Variants in CACNB2 observed in about 807,000 individuals in gnomAD.
CACNB2 encodes the protein voltage-dependent L-type calcium channel subunit beta-2.
In CACNB2, 42 loss-of-function variants were observed where a neutral mutation model predicts 73.3. The ratio of observed to expected loss-of-function variants is 0.57; its 90% CI spans 0.45 to 0.74. CACNB2 has a LOEUF of 0.74. CACNB2 is among the 30% of genes least tolerant of loss of function. CACNB2 has a pLI of 0.00. For missense variants in CACNB2, 940 were observed against 853.0 expected (o/e 1.10, Z -1.27); for synonymous variants, 348 against 310.3 (o/e 1.12, Z -1.28).
intron 2 of CACNB2, among the ~76,000 whole-genome samples, chr10:18,247,715 G>C (rs746563690): frequency 1.3e-4 from 20 of 152,146 alleles, no homozygotes; most frequent in Non-Finnish European, 2.1e-4. Context: ...GAAGTCGAAG[G>C]TTGAGGCAGA....
rs115040710 is a variant in CACNB2 at position 18,387,567 on chromosome 10, T to C, written c.214-14357T>C. Among the ~76,000 whole-genome samples, 397 of 152,272 alleles carry C rather than the reference T, an allele frequency of 2.6e-3. 4 individuals carry two copies. The highest frequency in any genetic ancestry group is 9.3e-3 in the African/African-American group (388 of 41,552). On this transcript the variant is annotated intron_variant, in intron 2 of 13. Transcript: ENST00000324631. ...CTGAGTTGTGCATCATTTCCAATGATTGTCATTTAAATGAAGCAGAAAAGC... is the reference window on the plus strand; with the variant it reads ...CTGAGTTGTGCATCATTTCCAATGACTGTCATTTAAATGAAGCAGAAAAGC...
intron 2 of CACNB2, among the ~76,000 whole-genome samples, chr10:18,329,310 A>G (rs1340634696): frequency 6.6e-6 from 1 of 152,192 alleles, no homozygotes; most frequent in Non-Finnish European, 1.5e-5. Flanking sequence ...TAAAGTGCTA[A>G]GCAATTGTTA....
At chr10:18,164,666 T>C (rs917123898) in intron 2 of CACNB2, among the ~76,000 whole-genome samples, 5 of 151,872 alleles carry the variant, frequency 3.3e-5, no homozygotes, top group African/African-American at 1.2e-4. Context: ...ATAATGATGG[T>C]AGATTACACG....
At chr10:18,203,192 C>A (rs1193132269) in intron 2 of CACNB2, among the ~76,000 whole-genome samples, 2 of 152,106 alleles carry the variant, frequency 1.3e-5, no homozygotes, top group Admixed American at 1.3e-4. Context: ...TCTGGTCAGC[C>A]AGCTTGAAGT....
At chr10:18,503,866 C>T (rs968308913) in intron 5 of CACNB2, among the ~76,000 whole-genome samples, 1 of 152,064 alleles carries the variant, frequency 6.6e-6, no homozygotes, top group African/African-American at 2.4e-5. Context: ...TCATCATGTA[C>T]ACTGTGAATC....
rs189180510 is a variant in CACNB2 at position 18,387,923 on chromosome 10, G to A, written c.214-14001G>A. On this transcript the variant is annotated intron_variant, in intron 2 of 13. Transcript: ENST00000324631. ...AGGTGTGTGCTACCATGCCCAGCTC[G>A]TTTTAAAATTTTTTGTACAGATGGG... Among the ~76,000 whole-genome samples, 11 of 152,044 alleles carry A rather than the reference G, an allele frequency of 7.2e-5. No individual in the cohort carries two copies. In the South Asian group the frequency reaches 8.3e-4, roughly 11 times the overall value.
At chr10:18,174,031 G>T (rs926032855) in intron 2 of CACNB2, among the ~76,000 whole-genome samples, 5 of 152,134 alleles carry the variant, frequency 3.3e-5, no homozygotes, top group African/African-American at 1.2e-4. Flanking sequence ...GATTCATTCT[G>T]TAAGAGGTAA....
intron 3 of CACNB2, among the ~76,000 whole-genome samples, chr10:18,481,034 C>T (rs1317568846): frequency 6.6e-6 from 1 of 151,116 alleles, no homozygotes; most frequent in African/African-American, 2.4e-5. Flanking sequence ...TGTGGCAATT[C>T]CTCTGCATAA....
At chr10:18,284,660 G>C (rs2131720945) in intron 2 of CACNB2, among the ~76,000 whole-genome samples, 1 of 152,252 alleles carries the variant, frequency 6.6e-6, no homozygotes, top group African/African-American at 2.4e-5. Context: ...GACAACTTCT[G>C]TTTATTCCTC....
chr10:18,159,602 A>G (rs1005586393), intron 2 of CACNB2, among the ~76,000 whole-genome samples: 1 of 152,242 alleles, frequency 6.6e-6, no homozygotes, highest in African/African-American at 2.4e-5. Flanking sequence ...GTCGTCTCTC[A>G]GTACCTTGTT....
At chr10:18,476,575 G>A (rs36043776) in intron 3 of CACNB2, among the ~76,000 whole-genome samples, 20,765 of 152,094 alleles carry the variant, frequency 0.14, 1,541 homozygotes, top group Admixed American at 0.18. Context: ...TTATGAAGTT[G>A]CACCCTATGC....
chr10:18,147,637 C>A (rs1192199502), intron 1 of CACNB2, among the ~76,000 whole-genome samples: 1 of 152,088 alleles, frequency 6.6e-6, no homozygotes, highest in Non-Finnish European at 1.5e-5. Context: ...TATTTTAATG[C>A]TGGTAAAAAA....
chr10:18,181,560 CTTTTT>C, intron 2 of CACNB2, among the ~76,000 whole-genome samples: 1 of 130,684 alleles, frequency 7.7e-6, no homozygotes, highest in African/African-American at 2.6e-5. Context: ...TTGAGGATAA[CTTTTT>C]TATTTTATTT....
intron 2 of CACNB2, among the ~76,000 whole-genome samples, chr10:18,281,979 CAAAAAAAAAA>C (rs10542258): frequency 1.4e-5 from 1 of 69,990 alleles, no homozygotes; most frequent in Non-Finnish European, 2.6e-5. Flanking sequence ...GACTCCATCT[CAAAAAAAAAA>C]AAAAAAAAAA....
At chr10:18,342,852 A>G (rs556635230) in intron 2 of CACNB2, among the ~76,000 whole-genome samples, 40 of 152,210 alleles carry the variant, frequency 2.6e-4, no homozygotes, top group Non-Finnish European at 4.6e-4. Flanking sequence ...ATGTATATTT[A>G]TATGTGCCTG....
At chr10:18,231,478 C>T (rs1387674297) in intron 2 of CACNB2, among the ~76,000 whole-genome samples, 1 of 152,224 alleles carries the variant, frequency 6.6e-6, no homozygotes, top group Non-Finnish European at 1.5e-5. Flanking sequence ...CATGCCACGC[C>T]ATGTTCAAAT....
At chr10:18,277,277 TA>T (rs1197495200) in intron 2 of CACNB2, among the ~76,000 whole-genome samples, 2 of 152,230 alleles carry the variant, frequency 1.3e-5, no homozygotes, top group Non-Finnish European at 2.9e-5. Context: ...AGGAGTGGCC[TA>T]TAAAGGCAAC....
At chr10:18,274,845 C>G (rs2038210210) in intron 2 of CACNB2, among the ~76,000 whole-genome samples, 1 of 152,244 alleles carries the variant, frequency 6.6e-6, no homozygotes, top group South Asian at 2.1e-4. Flanking sequence ...AGGGAAAAAC[C>G]ATCAGGGCTG....
At chr10:18,333,123 G>A (rs1190208333) in intron 2 of CACNB2, among the ~76,000 whole-genome samples, 1 of 152,128 alleles carries the variant, frequency 6.6e-6, no homozygotes, top group Non-Finnish European at 1.5e-5. Flanking sequence ...ATTTTCAAGT[G>A]TATCTCATTC....
Sources: gnomAD v4.1 joint callset for allele counts (sites outside exome capture counted in the v4.1 genomes callset) on GRCh38, gnomAD v4.1.1 for gene constraint, MANE v1.5 for transcripts, NCBI Gene and HGNC (gene_info 2026-07-23, HGNC 2026-07-21) for gene names.